The following VWA8 variants were observed in gnomAD, a reference collection of about 807,000 sequenced individuals.
The protein encoded by VWA8 is von Willebrand factor A domain-containing protein 8.
In VWA8, 221 loss-of-function variants were observed where a neutral mutation model predicts 241.5. The observed-to-expected ratio is 0.91, with a 90% CI of 0.82 to 1.02. The LOEUF is 1.02. VWA8 is among the 50% of genes least tolerant of loss of function. The pLI is 0.00. For synonymous variants in VWA8, 852 were observed against 827.1 expected (o/e 1.03, Z -0.52); for missense variants, 2,322 against 2,328.7 (o/e 1.00, Z 0.06).
rs557112764 is a variant in VWA8, at chr13:41,568,513, G to A, written c.5610-208C>T. The A allele has an allele frequency of 5.0e-4, 227 of 455,956 alleles. 4 individuals carry two copies. The South Asian group carries it at 0.011, about 23-fold the overall frequency. The allele number at this position is 455,956 out of a possible 1,614,324, so 28.2% of individuals were successfully genotyped here. On this transcript the variant is annotated intron_variant, in intron 44 of 44. Coordinates refer to ENST00000379310, the MANE Select transcript of VWA8 (RefSeq NM_015058.2). ...ACAAGGAAAGACACAGCAAAAGCAG[G>A]GAACTGAAAGAAAGGTCTTTTCAGT...
chr13:41,940,573 A>G (rs1488105027), intron 2 of VWA8, among the ~76,000 whole-genome samples: 1 of 152,208 alleles, frequency 6.6e-6, no homozygotes, highest in Non-Finnish European at 1.5e-5. Context: ...AAGTTCAACA[A>G]ATACAATATT....
chr13:41,721,713 G>T, intron 24 of VWA8, 138 bp from the exon 25 acceptor site: 1 of 824,574 alleles, frequency 1.2e-6, no homozygotes, highest in Non-Finnish European at 1.8e-6. Flanking sequence ...GGATGGTACA[G>T]AGAAGAAAGC....
At chr13:41,675,424 T>A in intron 35 of VWA8, 128 bp from the exon 36 acceptor site, 1 of 590,038 alleles carries the variant, frequency 1.7e-6, no homozygotes, top group Admixed American at 3.2e-5. Context: ...AGGTACTGGG[T>A]CAACCCTCAT....
At chr13:41,780,889 C>A (rs1260569226) in intron 19 of VWA8, among the ~76,000 whole-genome samples, 1 of 152,054 alleles carries the variant, frequency 6.6e-6, no homozygotes, top group East Asian at 1.9e-4. Context: ...ACTTTTTCAC[C>A]AGACATTGTG....
At chr13:41,934,327 G>A (rs1329397173) in intron 2 of VWA8, among the ~76,000 whole-genome samples, 2 of 151,954 alleles carry the variant, frequency 1.3e-5, no homozygotes, top group African/African-American at 4.8e-5. Context: ...CCAAGAGCTG[G>A]CAAGAATATG....
At chr13:41,635,036 T>G (rs953770659) in intron 37 of VWA8, among the ~76,000 whole-genome samples, 1 of 152,188 alleles carries the variant, frequency 6.6e-6, no homozygotes, top group African/African-American at 2.4e-5. Flanking sequence ...TATCTTCTCT[T>G]AGTTTTCTTC....
chr13:41,843,751 A>C (rs1022566301), intron 12 of VWA8, among the ~76,000 whole-genome samples: 2 of 152,070 alleles, frequency 1.3e-5, no homozygotes, highest in Admixed American at 6.5e-5. Flanking sequence ...GAAATGGATA[A>C]ATTCCTGGAA....
At chr13:41,918,293 T>C (rs182568383) in intron 2 of VWA8, among the ~76,000 whole-genome samples, 2 of 152,290 alleles carry the variant, frequency 1.3e-5, no homozygotes, top group East Asian at 3.9e-4. Context: ...TTATCAAAAC[T>C]AAATCTACAG....
intron 38 of VWA8, among the ~76,000 whole-genome samples, chr13:41,614,353 A>G (rs547977044): frequency 1.3e-5 from 2 of 152,308 alleles, no homozygotes; most frequent in Admixed American, 1.3e-4. Context: ...GGACTCGCAG[A>G]TGTGTCTGCT....
intron 9 of VWA8, among the ~76,000 whole-genome samples, chr13:41,880,341 T>A (rs899063245): frequency 6.6e-6 from 1 of 152,080 alleles, no homozygotes; most frequent in African/African-American, 2.4e-5. Context: ...AATTTGAGAG[T>A]AAGCTGCAGA....
At chr13:41,614,799 C>G (rs2044610683) in intron 38 of VWA8, among the ~76,000 whole-genome samples, 177 bp downstream of exon 38, 3 of 152,158 alleles carry the variant, frequency 2.0e-5, no homozygotes, top group African/African-American at 7.2e-5. Flanking sequence ...AAATGCCAGG[C>G]TCTTCACATG....
intron 2 of VWA8, among the ~76,000 whole-genome samples, chr13:41,946,265 A>G (rs191131094): frequency 6.6e-6 from 1 of 152,290 alleles, no homozygotes; most frequent in East Asian, 1.9e-4. Flanking sequence ...TCTAGAAGAT[A>G]CTTACTAAAG....
At chr13:41,933,678 T>A (rs1411843762) in intron 2 of VWA8, among the ~76,000 whole-genome samples, 5 of 152,142 alleles carry the variant, frequency 3.3e-5, no homozygotes, top group Admixed American at 2.0e-4. Flanking sequence ...GCATCAGACT[T>A]CTGACATAAC....
intron 35 of VWA8, among the ~76,000 whole-genome samples, chr13:41,678,044 G>A (rs1330567731): frequency 6.6e-6 from 1 of 152,192 alleles, no homozygotes; most frequent in East Asian, 1.9e-4. Flanking sequence ...CGAGGATACA[G>A]AAAAGAGATG....
intron 37 of VWA8, among the ~76,000 whole-genome samples, chr13:41,632,579 C>A (rs978959264): frequency 7.9e-5 from 12 of 152,184 alleles, no homozygotes; most frequent in Non-Finnish European, 1.3e-4. Context: ...AGCATCAAAT[C>A]TTGGCTGCTG....
At chr13:41,918,197 A>T (rs1480041377) in intron 2 of VWA8, among the ~76,000 whole-genome samples, 3 of 152,252 alleles carry the variant, frequency 2.0e-5, no homozygotes, top group Non-Finnish European at 4.4e-5. Flanking sequence ...AAAGAAAAAT[A>T]CATATATAAA....
chr13:41,820,138 T>G (rs1380491321), intron 14 of VWA8, among the ~76,000 whole-genome samples: 1 of 152,184 alleles, frequency 6.6e-6, no homozygotes, highest in Non-Finnish European at 1.5e-5. Context: ...TATCAGAATC[T>G]TAATCATGTG....
intron 22 of VWA8, among the ~76,000 whole-genome samples, chr13:41,731,482 T>C (rs1475493290): frequency 6.6e-6 from 1 of 152,154 alleles, no homozygotes; most frequent in African/African-American, 2.4e-5. Context: ...CAATAGAGGA[T>C]TGCTGTCATT....
chr13:41,648,471 G>A (rs1392930274), intron 37 of VWA8, among the ~76,000 whole-genome samples: 1 of 152,138 alleles, frequency 6.6e-6, no homozygotes, highest in Non-Finnish European at 1.5e-5. Flanking sequence ...CAAAGGATGA[G>A]GAAGTATGTT....
Sources: allele counts gnomAD v4.1 joint callset (sites outside exome capture counted in the v4.1 genomes callset), GRCh38; gene constraint gnomAD v4.1.1; transcripts MANE v1.5; gene names NCBI Gene and HGNC (gene_info 2026-07-23, HGNC 2026-07-21).